The following EIF2AK4 variants were observed in gnomAD, a reference collection of about 807,000 sequenced individuals.
EIF2AK4 encodes the protein eukaryotic translation initiation factor 2 alpha kinase 4, also known as eIF-2-alpha kinase GCN2.
A neutral mutation model predicts 211.1 loss-of-function variants in EIF2AK4; 139 were observed. That is an observed-to-expected ratio of 0.66 (90% confidence interval 0.57 to 0.76). The LOEUF is 0.76. Ranked by LOEUF, EIF2AK4 falls within the 30% of genes least tolerant of loss-of-function variation. EIF2AK4 has a pLI of 0.00. For synonymous variants in EIF2AK4, 710 were observed against 751.3 expected (o/e 0.94, Z 0.90); for missense variants, 1,664 against 2,043.8 (o/e 0.81, Z 3.58).
intron 24 of EIF2AK4, among the ~76,000 whole-genome samples, chr15:40,007,626 A>G (rs1283188855): frequency 3.3e-5 from 5 of 152,216 alleles, no homozygotes; most frequent in Non-Finnish European, 4.4e-5. Flanking sequence ...ATTGTTGTCA[A>G]TGAGGCACCC....
chr15:39,960,738 T>A (rs1338289372), intron 6 of EIF2AK4, among the ~76,000 whole-genome samples: 1 of 151,988 alleles, frequency 6.6e-6, no homozygotes, highest in Admixed American at 6.6e-5. Context: ...GACTAACTAA[T>A]AGACTAAGAT....
At chr15:40,014,586 G>C (rs761445069) in intron 27 of EIF2AK4, among the ~76,000 whole-genome samples, 10 of 152,218 alleles carry the variant, frequency 6.6e-5, no homozygotes, top group Non-Finnish European at 1.3e-4. Flanking sequence ...GGGGGCCCTG[G>C]GGCCAGCCCA....
Position 39,935,072 on chromosome 15 carries a change from A to G in EIF2AK4, c.144+733A>G, listed in dbSNP as rs189859890. Among the ~76,000 whole-genome samples the G allele has an allele frequency of 4.6e-5, 7 of 152,280 alleles. No individual in the cohort carries two copies. The East Asian group carries it at 1.3e-3, about 29-fold the overall frequency. Reference sequence around the variant, plus strand: ...AAAAAAAAATTCGCAAAAAAACCTCAATGTTTTAAGAAAGTTTACGAATGC... The same window carrying G: ...AAAAAAAAATTCGCAAAAAAACCTCGATGTTTTAAGAAAGTTTACGAATGC... On this transcript the variant is annotated intron_variant, in intron 1 of 38. Transcript: ENST00000263791.
chr15:39,994,039 T>C (rs1225718299), intron 18 of EIF2AK4, among the ~76,000 whole-genome samples: 1 of 151,508 alleles, frequency 6.6e-6, no homozygotes, highest in African/African-American at 2.4e-5. Flanking sequence ...AACACCTGGG[T>C]GAAGAGTATT....
At chr15:39,985,145 G>A (rs2034847206) in intron 13 of EIF2AK4, among the ~76,000 whole-genome samples, 1 of 152,116 alleles carries the variant, frequency 6.6e-6, no homozygotes. Context: ...TTTATGTGAT[G>A]GATTATGTTT....
At chr15:40,013,267 T>C (rs1350531928) in intron 27 of EIF2AK4, among the ~76,000 whole-genome samples, 1 of 152,192 alleles carries the variant, frequency 6.6e-6, no homozygotes, top group Non-Finnish European at 1.5e-5. Context: ...GCTCTTGGGC[T>C]CAAGAGATCT....
In EIF2AK4 at chr15:39,934,165, A is replaced by C. The variant is rs2034026416; in HGVS notation, c.-31A>C. The C allele has an allele frequency of 2.4e-5, 32 of 1,342,874 alleles. No homozygotes were observed. The highest frequency in any genetic ancestry group is 2.2e-4 in the Middle Eastern group (1 of 4,640). The allele number at this position is 1,342,874 out of a possible 1,614,324, so 83.2% of individuals were successfully genotyped here. On this transcript the variant is annotated 5_prime_UTR_variant, in exon 1 of 39. Transcript: ENST00000263791. ...GCCGGGGGCCCACCGCCGCCCAGGC[A>C]AGGCCGCCCTGCCTTGGGCGCAGCG...
intron 14 of EIF2AK4, among the ~76,000 whole-genome samples, chr15:39,986,128 T>C (rs1006975632): frequency 6.6e-6 from 1 of 152,244 alleles, no homozygotes; most frequent in African/African-American, 2.4e-5. Context: ...TAAGTTCACA[T>C]CCTGGATCCA....
intron 15 of EIF2AK4, 122 bp downstream of exon 15, chr15:39,988,227 C>A: frequency 9.7e-7 from 1 of 1,034,620 alleles, no homozygotes; most frequent in Non-Finnish European, 1.4e-6. Context: ...GGTATATTGA[C>A]ATAATCTATT....
chr15:40,022,504 G>T lies in EIF2AK4; in HGVS notation c.4303-15G>T, dbSNP rs764288454. ...GCTCTGTGTTTATTTTCTTTACTAT[G>T]TTTGTTTGTTTCAGTCCCAAGAGGA... On this transcript the variant is annotated splice_polypyrimidine_tract_variant and intron_variant, in intron 31 of 38. Transcript: ENST00000263791. The T allele has an allele frequency of 1.2e-6, 2 of 1,606,894 alleles. No individual in the cohort carries two copies. The highest frequency in any genetic ancestry group is 1.7e-6 in the Non-Finnish European group (2 of 1,174,540).
At chr15:39,985,726 C>A in intron 13 of EIF2AK4, 79 bp from the exon 14 acceptor site, 1 of 1,388,368 alleles carries the variant, frequency 7.2e-7, no homozygotes, top group Non-Finnish European at 1.0e-6. Flanking sequence ...TGGGGGTGGG[C>A]ACAAATACTT....
chr15:40,001,348 A>G (rs2035088564), intron 21 of EIF2AK4, 124 bp downstream of exon 21: 2 of 941,498 alleles, frequency 2.1e-6, no homozygotes, highest in African/African-American at 1.6e-5. Context: ...GGAAGCCCCT[A>G]AAAGTACATG....
intron 3 of EIF2AK4, chr15:39,946,564 T>A: frequency 1.4e-6 from 1 of 702,244 alleles, no homozygotes; most frequent in Non-Finnish European, 2.6e-6. Context: ...ATTTAGGATA[T>A]TTCATAAACT....
chr15:39,946,446 G>A, intron 3 of EIF2AK4: 2 of 633,814 alleles, frequency 3.2e-6, no homozygotes, highest in East Asian at 5.5e-5. Flanking sequence ...GCAACCTCAT[G>A]ATAAAACTTT....
intron 3 of EIF2AK4, among the ~76,000 whole-genome samples, chr15:39,947,069 G>A (rs1002271800): frequency 1.3e-5 from 2 of 152,074 alleles, no homozygotes; most frequent in South Asian, 4.1e-4. Context: ...TCAGAGGGCC[G>A]CCTGTGCTAG....
intron 19 of EIF2AK4, 119 bp from the exon 20 acceptor site, chr15:39,998,612 C>T (rs2035053226): frequency 8.4e-6 from 6 of 713,864 alleles, no homozygotes; most frequent in Non-Finnish European, 1.4e-5. Flanking sequence ...GAAGGTATCA[C>T]CTATCTTTTC....
In EIF2AK4 at chr15:40,026,111, G is replaced by A. The variant is rs114286755; in HGVS notation, c.4502+22G>A. On this transcript the variant is annotated intron_variant, in intron 33 of 38. Transcript: ENST00000263791. ...GCAGGTAACTTAGGAAACAAAAGCC[G>A]AGAAAAGTGACTTCAGTTACCTATA... The A allele has an allele frequency of 1.7e-3, 2,674 of 1,601,384 alleles. 17 individuals are homozygous for A. The Admixed American group carries it at 0.017, about 10-fold the overall frequency.
chr15:40,022,188 G>GTGTGTGTGTT (rs2035397926), intron 31 of EIF2AK4: 1 of 179,120 alleles, frequency 5.6e-6, no homozygotes, highest in African/African-American at 2.5e-5. Flanking sequence ...CAGCGTGTGT[G>GTGTGTGTGTT]TGTGTGTGTG....
intron 4 of EIF2AK4, among the ~76,000 whole-genome samples, chr15:39,952,209 A>G (rs1190689230): frequency 1.3e-5 from 2 of 152,178 alleles, no homozygotes; most frequent in Admixed American, 1.3e-4. Context: ...TGATATCTTC[A>G]CAGTATTTAG....
Sources: gnomAD v4.1 joint callset for allele counts (sites outside exome capture counted in the v4.1 genomes callset) on GRCh38, gnomAD v4.1.1 for gene constraint, MANE v1.5 for transcripts, NCBI Gene and HGNC (gene_info 2026-07-23, HGNC 2026-07-21) for gene names.